The following VEGFC variants were observed in gnomAD, a reference collection of about 807,000 sequenced individuals.
VEGFC encodes FLT4 ligand DHM.
In VEGFC, 12 loss-of-function variants were observed where a neutral mutation model predicts 46.1. The observed-to-expected ratio is 0.26, with a 90% CI of 0.17 to 0.42. The LOEUF (loss-of-function observed/expected upper bound fraction) is 0.42. Ranked by LOEUF, VEGFC falls within the 10% of genes least tolerant of loss-of-function variation. The probability of loss-of-function intolerance (pLI) is 1.00; values close to 1 mark genes in which losing one functional copy is unlikely to be tolerated. For missense variants in VEGFC, 488 were observed against 529.4 expected (o/e 0.92, Z 0.77); for synonymous variants, 232 against 195.5 (o/e 1.19, Z -1.56).
intron 1 of VEGFC, among the ~76,000 whole-genome samples, chr4:176,783,369 G>A (rs1349441776): frequency 2.0e-5 from 3 of 152,034 alleles, no homozygotes; most frequent in Non-Finnish European, 2.9e-5. Flanking sequence ...TGATATTTTA[G>A]GTATTCTGTG....
At chr4:176,765,963 T>A (rs1735615091) in intron 1 of VEGFC, among the ~76,000 whole-genome samples, 1 of 151,652 alleles carries the variant, frequency 6.6e-6, no homozygotes, top group Non-Finnish European at 1.5e-5. Context: ...TGGAAAAAAA[T>A]CTTTAGAATA....
At chr4:176,765,332 G>A (rs762492687) in intron 1 of VEGFC, among the ~76,000 whole-genome samples, 1 of 151,620 alleles carries the variant, frequency 6.6e-6, no homozygotes, top group Non-Finnish European at 1.5e-5. Flanking sequence ...GAGATATAGA[G>A]CAGATACTGC....
intron 1 of VEGFC, among the ~76,000 whole-genome samples, chr4:176,759,465 G>C (rs144984955): frequency 6.6e-6 from 1 of 152,226 alleles, no homozygotes; most frequent in East Asian, 1.9e-4. Context: ...GGGGCTCGGG[G>C]ACTGGTGGGG....
Position 176,778,980 on chromosome 4 carries a change from T to A in VEGFC, c.147+13185A>T, listed in dbSNP as rs1329077791. The stretch of plus-strand genomic sequence containing the variant: ...TCTGCCCCCACCACCAATCAATCAA[T>A]CATCACAGAACAGGAAAAAATGTCT... On this transcript the variant is annotated intron_variant, in intron 1 of 6. Transcript: ENST00000618562. 2.6e-5 allele frequency among the ~76,000 whole-genome samples: 4 copies of A among 152,196 alleles called. No individual in the cohort carries two copies. The South Asian group carries it at 8.3e-4, about 32-fold the overall frequency.
chr4:176,766,897 C>A (rs565525227), intron 1 of VEGFC, among the ~76,000 whole-genome samples: 1 of 151,298 alleles, frequency 6.6e-6, no homozygotes, highest in Admixed American at 6.6e-5. Flanking sequence ...AGACTATTTT[C>A]ATAACATTGG....
At chr4:176,770,650 A>T (rs558039662) in intron 1 of VEGFC, among the ~76,000 whole-genome samples, 1 of 148,878 alleles carries the variant, frequency 6.7e-6, no homozygotes, top group Non-Finnish European at 1.5e-5. Context: ...TATTTCTGTT[A>T]TAGTGTCCTC....
chr4:176,782,133 T>C (rs982039762), intron 1 of VEGFC, among the ~76,000 whole-genome samples: 1 of 152,252 alleles, frequency 6.6e-6, no homozygotes, highest in Non-Finnish European at 1.5e-5. Context: ...ATTTGAATCC[T>C]GTTTCTAACA....
At chr4:176,758,425 A>C (rs1423017277) in intron 1 of VEGFC, among the ~76,000 whole-genome samples, 3 of 152,152 alleles carry the variant, frequency 2.0e-5, no homozygotes, top group Admixed American at 6.6e-5. Context: ...TAGATGAACA[A>C]GTACCAAGCA....
rs9685954 is a variant in VEGFC, at chr4:176,710,534, T to G, written c.704+965A>C. Reference sequence around the variant, plus strand: ...CCACACTAAGCAGAGTAGTACAACGTGATTCAGTGGGGAAAACCATGGTTT... The same window carrying G: ...CCACACTAAGCAGAGTAGTACAACGGGATTCAGTGGGGAAAACCATGGTTT... On this transcript the variant is annotated intron_variant, in intron 4 of 6. Coordinates refer to ENST00000618562, the MANE Select transcript of VEGFC (RefSeq NM_005429.5). Among the ~76,000 whole-genome samples, 1,004 of 152,308 alleles carry G rather than the reference T, an allele frequency of 6.6e-3. 6 individuals are homozygous for G. The highest frequency in any genetic ancestry group is 0.023 in the African/African-American group (949 of 41,572).
chr4:176,732,527 A>C (rs1734985143), intron 1 of VEGFC, among the ~76,000 whole-genome samples: 1 of 151,906 alleles, frequency 6.6e-6, no homozygotes, highest in Admixed American at 6.6e-5. Flanking sequence ...CAGGGGAGCC[A>C]GATAATATCA....
chr4:176,754,244 T>TA lies in VEGFC; in HGVS notation c.148-24499dup, dbSNP rs1735396278. On this transcript the variant is annotated intron_variant, in intron 1 of 6. Transcript: ENST00000618562. ...GGTCTTAACTTGTTTTTTTTTTTTT[T>TA]ACTTGAGGTGACTTTACCTCTGTGT... Among the ~76,000 whole-genome samples, 2 of 151,936 alleles carry TA rather than the reference T, an allele frequency of 1.3e-5. 1 individual carries two copies. The highest frequency in any genetic ancestry group is 3.9e-4 in the East Asian group (2 of 5,174).
At chr4:176,756,284 T>C (rs1735431836) in intron 1 of VEGFC, among the ~76,000 whole-genome samples, 1 of 152,076 alleles carries the variant, frequency 6.6e-6, no homozygotes, top group Non-Finnish European at 1.5e-5. Flanking sequence ...TTCTGGGCAT[T>C]CAGCTATGAA....
intron 4 of VEGFC, among the ~76,000 whole-genome samples, chr4:176,696,970 T>C (rs375818037): frequency 0.017 from 2,541 of 150,530 alleles, 41 homozygotes; most frequent in Non-Finnish European, 0.026. Context: ...TTACACCTTA[T>C]ACAAAAATCA....
chr4:176,686,505 G>A (rs2110961850), intron 6 of VEGFC, among the ~76,000 whole-genome samples: 1 of 152,170 alleles, frequency 6.6e-6, no homozygotes, highest in African/African-American at 2.4e-5. Context: ...AAGAAGGAAT[G>A]GCATGAAGCA....
In VEGFC at chr4:176,695,230, A is replaced by T. The variant is rs1734287449; in HGVS notation, c.705-7303T>A. Among the ~76,000 whole-genome samples the T allele has an allele frequency of 2.0e-5, 3 of 152,048 alleles. No individual in the cohort carries two copies. The South Asian group carries it at 6.2e-4, about 32-fold the overall frequency. On this transcript the variant is annotated intron_variant, in intron 4 of 6. Coordinates refer to ENST00000618562, the MANE Select transcript of VEGFC (RefSeq NM_005429.5). The stretch of plus-strand genomic sequence containing the variant: ...GGATCAACAAAATTGATAGACTGCT[A>T]GCAAGACTAATAAAGAAAAAAAGAG...
chr4:176,751,967 A>G (rs939269306), intron 1 of VEGFC, among the ~76,000 whole-genome samples: 2 of 151,790 alleles, frequency 1.3e-5, no homozygotes, highest in Non-Finnish European at 2.9e-5. Flanking sequence ...AATATGTCAT[A>G]AAGAAAAAAA....
At position 176,687,516 on chromosome 4, in the gene VEGFC, T is replaced by C. The variant is rs1328517478; in HGVS notation, c.816A>G (p.Ser272=). 1.3e-6 allele frequency: 2 copies of C among 1,596,026 alleles called. No individual in the cohort carries two copies. The highest frequency in any genetic ancestry group is 2.2e-5 in the South Asian group (2 of 89,382). ...CACAGATGTCATGGAATCCATCTGTTGAGTCTAGACAAATAGTCAGAGAAT... is the reference window on the plus strand; with the variant it reads ...CACAGATGTCATGGAATCCATCTGTCGAGTCTAGACAAATAGTCAGAGAAT... ...FMFSSDAGDD[S]TDGFHDICGP... Residue 272 remains serine, a synonymous_variant, in exon 6 of 7, where the codon TCA becomes TCG. Coordinates refer to ENST00000618562, the MANE Select transcript of VEGFC (RefSeq NM_005429.5).
chr4:176,771,993 C>T (rs571653798), intron 1 of VEGFC, among the ~76,000 whole-genome samples: 1 of 152,234 alleles, frequency 6.6e-6, no homozygotes, highest in South Asian at 2.1e-4. Context: ...TCAGAAAAGG[C>T]ACAGCCTAAC....
At chr4:176,715,416 T>A (rs1348880025) in intron 3 of VEGFC, among the ~76,000 whole-genome samples, 3 of 152,168 alleles carry the variant, frequency 2.0e-5, no homozygotes, top group African/African-American at 7.2e-5. Flanking sequence ...TAATTGAGTT[T>A]TATTTATCTA....
Sources: allele counts gnomAD v4.1 joint callset (sites outside exome capture counted in the v4.1 genomes callset), GRCh38; gene constraint gnomAD v4.1.1; transcripts MANE v1.5; gene names NCBI Gene and HGNC (gene_info 2026-07-23, HGNC 2026-07-21).